Variants in RGS20 observed in about 807,000 individuals in gnomAD.
RGS20 encodes the protein gz-selective GTPase-activating protein.
A neutral mutation model predicts 33.6 loss-of-function variants in RGS20; 30 were observed. The ratio of observed to expected loss-of-function variants is 0.89; its 90% CI spans 0.67 to 1.21. RGS20 has a LOEUF of 1.21. Among genes scored for constraint, RGS20 ranks in the 50% most tolerant of loss-of-function variants. The probability of loss-of-function intolerance (pLI) is 0.00; values close to 1 mark genes in which losing one functional copy is unlikely to be tolerated. For missense variants in RGS20, 472 were observed against 502.4 expected (o/e 0.94, Z 0.58); for synonymous variants, 208 against 197.9 (o/e 1.05, Z -0.43).
intron 3 of RGS20, among the ~76,000 whole-genome samples, chr8:53,943,815 A>G (rs1308495251): frequency 2.6e-5 from 4 of 152,158 alleles, no homozygotes; most frequent in Non-Finnish European, 4.4e-5. Context: ...TGCTTACAAA[A>G]GAAGCCTCGG....
At chr8:53,867,578 C>T (rs1199855306) in intron 1 of RGS20, among the ~76,000 whole-genome samples, 4 of 152,106 alleles carry the variant, frequency 2.6e-5, no homozygotes, top group Non-Finnish European at 4.4e-5. Context: ...ATGTCAGGGG[C>T]GTCTGTCATT....
At chr8:53,883,067 T>C (rs1474438123) in intron 2 of RGS20, among the ~76,000 whole-genome samples, 1 of 152,266 alleles carries the variant, frequency 6.6e-6, no homozygotes, top group Admixed American at 6.5e-5. Flanking sequence ...TGCAATTTAC[T>C]ATTTTTGTTA....
rs115967762 is a variant in RGS20, at chr8:53,857,401, T to C, written c.165+5337T>C. On this transcript the variant is annotated intron_variant, in intron 1 of 5. Transcript: ENST00000297313. ...TTTGATGGAGACCATAAGGAAGACC[T>C]TGGGTATGCTCTTTGGGAAAGTGAA... Among the ~76,000 whole-genome samples the C allele has an allele frequency of 4.5e-3, 688 of 152,300 alleles. 6 individuals carry two copies. Among genetic ancestry groups the C allele is most frequent in the African/African-American group, 0.015 (639 of 41,562 alleles).
chr8:53,852,941 A>T (rs1156871468), intron 1 of RGS20, among the ~76,000 whole-genome samples: 1 of 152,178 alleles, frequency 6.6e-6, no homozygotes, highest in Non-Finnish European at 1.5e-5. Flanking sequence ...GGGGAAAAAA[A>T]AAATAAAAAG....
rs185560846 is a variant in RGS20, at chr8:53,889,997, G to A, written c.510+10395G>A. On this transcript the variant is annotated intron_variant, in intron 2 of 5. Transcript: ENST00000297313. ...GAGCTTCTTTTATCTGTGGATTGACGTCTTTCATCAACTTTGGAAAATTTT... is the reference window on the plus strand; with the variant it reads ...GAGCTTCTTTTATCTGTGGATTGACATCTTTCATCAACTTTGGAAAATTTT... Among the ~76,000 whole-genome samples the A allele has an allele frequency of 1.7e-3, 254 of 152,092 alleles. 1 individual carries two copies. The highest frequency in any genetic ancestry group is 5.7e-3 in the African/African-American group (237 of 41,468).
intron 3 of RGS20, among the ~76,000 whole-genome samples, chr8:53,944,978 A>G (rs1255099745): frequency 6.6e-6 from 1 of 152,202 alleles, no homozygotes. Flanking sequence ...TGGCAAGGAC[A>G]TGGAGAAATT....
intron 2 of RGS20, among the ~76,000 whole-genome samples, chr8:53,922,052 C>T (rs1813663707): frequency 6.6e-6 from 1 of 151,814 alleles, no homozygotes; most frequent in African/African-American, 2.4e-5. Context: ...TATTCATATG[C>T]TTGTTGATCT....
intron 1 of RGS20, among the ~76,000 whole-genome samples, chr8:53,854,792 C>G (rs2129265934): frequency 6.6e-6 from 1 of 152,288 alleles, no homozygotes. Context: ...GAAATGAAAA[C>G]CTACATTTGC....
intron 2 of RGS20, among the ~76,000 whole-genome samples, chr8:53,937,959 T>C (rs1389401554): frequency 6.6e-6 from 1 of 152,210 alleles, no homozygotes; most frequent in East Asian, 1.9e-4. Flanking sequence ...GTTCAATCAT[T>C]GTGGGAGACA....
chr8:53,915,642 G>C (rs73589234), intron 2 of RGS20, among the ~76,000 whole-genome samples: 18,152 of 152,192 alleles, frequency 0.12, 3,125 homozygotes, highest in African/African-American at 0.38. Context: ...CCCTCCCATT[G>C]AGTCTCAGGC....
chr8:53,881,010 G>A (rs776918043), intron 2 of RGS20: 5 of 1,595,506 alleles, frequency 3.1e-6, no homozygotes, highest in Middle Eastern at 1.8e-4. Flanking sequence ...GGCACCCGCG[G>A]GACGCATGCG....
intron 1 of RGS20, among the ~76,000 whole-genome samples, chr8:53,867,789 C>T (rs1465951686): frequency 2.6e-5 from 4 of 151,940 alleles, no homozygotes; most frequent in African/African-American, 9.7e-5. Flanking sequence ...GTGGTGTGAT[C>T]CCAGCTAACT....
chr8:53,937,862 A>G (rs1286123782), intron 2 of RGS20, among the ~76,000 whole-genome samples: 1 of 152,228 alleles, frequency 6.6e-6, no homozygotes, highest in Non-Finnish European at 1.5e-5. Flanking sequence ...TAGAATGGCA[A>G]TGATTAAAAA....
At chr8:53,906,737 T>C (rs60106847) in intron 2 of RGS20, among the ~76,000 whole-genome samples, 10,682 of 152,068 alleles carry the variant, frequency 0.07, 1,160 homozygotes, top group African/African-American at 0.23. Flanking sequence ...GAAATTGAAA[T>C]GAATGAGGCT....
chr8:53,876,490 G>T (rs975494647), intron 1 of RGS20: 3 of 152,230 alleles, frequency 2.0e-5, no homozygotes, highest in Non-Finnish European at 4.4e-5. Flanking sequence ...TTTTTTGACA[G>T]TCCTCAGACT....
intron 2 of RGS20, among the ~76,000 whole-genome samples, chr8:53,907,587 G>GA (rs35788143): frequency 0.097 from 13,933 of 144,360 alleles, 1,743 homozygotes; most frequent in African/African-American, 0.29. Context: ...TCCATCTCAG[G>GA]AAAAAAAAAA....
At chr8:53,875,524 C>T (rs564451174) in intron 1 of RGS20, among the ~76,000 whole-genome samples, 1 of 151,814 alleles carries the variant, frequency 6.6e-6, no homozygotes, top group African/African-American at 2.4e-5. Context: ...ATACCTATGG[C>T]GAGAACAGAG....
intron 2 of RGS20, among the ~76,000 whole-genome samples, chr8:53,881,815 A>G (rs373429582): frequency 6.6e-6 from 1 of 152,058 alleles, no homozygotes; most frequent in Admixed American, 6.6e-5. Context: ...AAACCCGGGC[A>G]CTTGATCTTC....
chr8:53,894,828 T>C (rs1022920096), intron 2 of RGS20, among the ~76,000 whole-genome samples: 1 of 152,212 alleles, frequency 6.6e-6, no homozygotes, highest in East Asian at 1.9e-4. Context: ...CATTTGCTCA[T>C]GTAAACATAG....
Sources: gnomAD v4.1 joint callset for allele counts (sites outside exome capture counted in the v4.1 genomes callset) on GRCh38, gnomAD v4.1.1 for gene constraint, MANE v1.5 for transcripts, NCBI Gene and HGNC (gene_info 2026-07-23, HGNC 2026-07-21) for gene names.